Variants in PDE10A observed in about 807,000 individuals in gnomAD.
PDE10A encodes the protein phosphodiesterase 10A, also known as cAMP and cAMP-inhibited cGMP 3',5'-cyclic phosphodiesterase 10A.
PDE10A carries 39 observed loss-of-function variants against 97.7 expected under a neutral mutation model. The ratio of observed to expected loss-of-function variants is 0.40; its 90% CI spans 0.31 to 0.52. The LOEUF (loss-of-function observed/expected upper bound fraction) is 0.52. PDE10A is among the 20% of genes least tolerant of loss of function. PDE10A has a pLI of 0.56. For missense variants in PDE10A, 731 were observed against 1,047.8 expected, an observed-to-expected ratio of 0.70 and a Z score of 4.17; for synonymous variants, 371 against 376.8, an observed-to-expected ratio of 0.98 and a Z score of 0.18.
intron 9 of PDE10A, among the ~76,000 whole-genome samples, chr6:165,429,426 T>C (rs1414204711): frequency 1.3e-5 from 2 of 152,098 alleles, no homozygotes; most frequent in Non-Finnish European, 1.5e-5. Flanking sequence ...GGGGAGCTTT[T>C]TCAGTCCCAT....
chr6:165,717,489 C>G (rs575978623), intron 1 of PDE10A, among the ~76,000 whole-genome samples: 1 of 151,924 alleles, frequency 6.6e-6, no homozygotes, highest in East Asian at 1.9e-4. Flanking sequence ...GAAGCGGAGA[C>G]AGGAGAATTG....
intron 7 of PDE10A, 41 bp from the exon 8 acceptor site, chr6:165,431,513 A>G (rs773764776): frequency 4.0e-6 from 4 of 994,966 alleles, no homozygotes; most frequent in Admixed American, 1.8e-5. Flanking sequence ...GTAATAATAC[A>G]TAACGTATAT....
chr6:165,418,209 T>C lies in PDE10A; in HGVS notation c.1796+426A>G, dbSNP rs73245635. On this transcript the variant is annotated intron_variant, in intron 11 of 21. Transcript: ENST00000539869. This position sits in a 1 kb window ranked among gnomAD's most constrained non-coding sequence, Gnocchi z 4.8. ...CACAGAGTGTATTTAAGTCATCAAATATACCAGATCAATTTCTACTACTGT... is the reference window on the plus strand; with the variant it reads ...CACAGAGTGTATTTAAGTCATCAAACATACCAGATCAATTTCTACTACTGT... Among the ~76,000 whole-genome samples, 157 of 152,312 alleles carry C rather than the reference T, an allele frequency of 1.0e-3. 1 individual carries two copies. Among genetic ancestry groups the C allele is most frequent in the African/African-American group, 3.6e-3 (151 of 41,578 alleles).
chr6:165,343,531 G>A (rs1383841767), intron 18 of PDE10A, 29 bp from the exon 19 acceptor site: 2 of 1,478,416 alleles, frequency 1.4e-6, no homozygotes, highest in Admixed American at 1.7e-5. Flanking sequence ...AGACTGGTCA[G>A]CATAGCATTT....
intron 1 of PDE10A, among the ~76,000 whole-genome samples, chr6:165,929,796 G>C (rs1376021952): frequency 6.6e-6 from 1 of 152,236 alleles, no homozygotes; most frequent in Non-Finnish European, 1.5e-5. Context: ...GGCTGGCTCA[G>C]AGCTGCTGTC....
chr6:165,624,063 T>C (rs1330600570), intron 1 of PDE10A, among the ~76,000 whole-genome samples: 2 of 152,238 alleles, frequency 1.3e-5, no homozygotes, highest in Admixed American at 1.3e-4. Context: ...CTGTCATTCA[T>C]TCAGTCTGGT....
At chr6:165,553,354 A>G (rs1314254361) in intron 1 of PDE10A, among the ~76,000 whole-genome samples, 1 of 152,208 alleles carries the variant, frequency 6.6e-6, no homozygotes, top group Non-Finnish European at 1.5e-5. Flanking sequence ...GGTAGAAACA[A>G]AGAGATGTTT....
At chr6:165,570,063 T>C (rs144346379) in intron 1 of PDE10A, among the ~76,000 whole-genome samples, 2 of 152,284 alleles carry the variant, frequency 1.3e-5, no homozygotes, top group African/African-American at 2.4e-5. Flanking sequence ...TAACCCCCAG[T>C]ACCTCAGAAT....
At chr6:165,532,758 G>A (rs980830773) in intron 2 of PDE10A, among the ~76,000 whole-genome samples, 4 of 152,052 alleles carry the variant, frequency 2.6e-5, no homozygotes, top group African/African-American at 7.2e-5. Flanking sequence ...TAGTATCAGC[G>A]GCCTAGTTCA....
At chr6:165,343,177 T>C (rs536838395) in intron 19 of PDE10A, among the ~76,000 whole-genome samples, 29 of 152,324 alleles carry the variant, frequency 1.9e-4, no homozygotes, top group Admixed American at 5.2e-4. Context: ...ACTCTTTCAG[T>C]TGAGCTCAGA....
intron 1 of PDE10A, among the ~76,000 whole-genome samples, chr6:165,738,134 G>A (rs1260691916): frequency 2.0e-5 from 3 of 150,478 alleles, no homozygotes; most frequent in Non-Finnish European, 3.0e-5. Context: ...CTAGCAATAG[G>A]TATATCTCCC....
At chr6:165,812,341 CCA>C (rs1380529272) in intron 1 of PDE10A, among the ~76,000 whole-genome samples, 1 of 152,148 alleles carries the variant, frequency 6.6e-6, no homozygotes, top group Non-Finnish European at 1.5e-5. Context: ...TTTCTAATCT[CCA>C]GTTTCAGTGT....
intron 1 of PDE10A, among the ~76,000 whole-genome samples, chr6:165,873,386 C>T (rs1781253584): frequency 6.6e-6 from 1 of 152,214 alleles, no homozygotes; most frequent in Non-Finnish European, 1.5e-5. Context: ...CCTGGCTCCC[C>T]TGCTAACTTG....
rs765793125 is a variant in PDE10A at position 165,343,433 on chromosome 6, T to C, written c.2853A>G (p.Thr951=). ...CATATATATCATTTGCCGTCAATTT[T>C]GTAACGGGCCACAGTTTTGTCACAG... The part of the protein sequence containing the change: ...LCSVTKLWPV[T]KLTANDIYAE... The change falls in exon 19 of 22, where the codon ACA becomes ACG. Residue 951 remains threonine, a synonymous_variant. Transcript: ENST00000539869. 1 of 1,614,076 alleles carries C rather than the reference T, an allele frequency of 6.2e-7. No individual in the cohort carries two copies. Among genetic ancestry groups the C allele is most frequent in the South Asian group, 1.1e-5 (1 of 91,086 alleles).
intron 1 of PDE10A, among the ~76,000 whole-genome samples, chr6:165,594,209 TC>T (rs368042809): frequency 1.3e-5 from 2 of 152,326 alleles, no homozygotes; most frequent in African/African-American, 4.8e-5. Context: ...GAACCAGAGT[TC>T]CTTGGAGAAG....
chr6:165,939,657 C>T (rs976426840), intron 1 of PDE10A: 42 of 152,308 alleles, frequency 2.8e-4, no homozygotes, highest in African/African-American at 1.0e-3. Context: ...CTGCACATCG[C>T]TAATTAGAAA....
At chr6:165,532,267 C>A (rs1318303796) in intron 2 of PDE10A, among the ~76,000 whole-genome samples, 1 of 151,490 alleles carries the variant, frequency 6.6e-6, no homozygotes, top group Non-Finnish European at 1.5e-5. Context: ...CATTTATTCT[C>A]CCATGTTTAT....
intron 1 of PDE10A, among the ~76,000 whole-genome samples, chr6:165,609,711 A>G (rs1290206196): frequency 1.3e-5 from 2 of 152,214 alleles, no homozygotes; most frequent in Admixed American, 1.3e-4. Flanking sequence ...TTATACACCA[A>G]TAACAGACAA....
intron 1 of PDE10A, among the ~76,000 whole-genome samples, chr6:165,548,428 C>T (rs1302477034): frequency 6.6e-6 from 1 of 151,800 alleles, no homozygotes; most frequent in Non-Finnish European, 1.5e-5. Context: ...CTTACTTTCC[C>T]CCATTATAAC....
Sources: allele counts gnomAD v4.1 joint callset (sites outside exome capture counted in the v4.1 genomes callset), GRCh38; gene constraint gnomAD v4.1.1; non-coding constraint Gnocchi (gnomAD v3.1); transcripts MANE v1.5; gene names NCBI Gene and HGNC (gene_info 2026-07-23, HGNC 2026-07-21).